Variants in FGF13 observed in about 807,000 individuals in gnomAD.
FGF13 encodes fibroblast growth factor 13, also known as fibroblast growth factor homologous factor 2.
FGF13 carries 2 observed loss-of-function variants against 19.5 expected under a neutral mutation model. The observed-to-expected ratio is 0.10, with a 90% CI of 0.04 to 0.32. The LOEUF (loss-of-function observed/expected upper bound fraction) is 0.32, where lower values mean the gene tolerates loss of function less well. FGF13 is among the 10% of genes least tolerant of loss of function. The pLI is 1.00. For synonymous variants in FGF13, 72 were observed against 76.9 expected (o/e 0.94, Z 0.33); for missense variants, 113 against 192.7 (o/e 0.59, Z 2.45).
At chrX:138,849,988 C>T (rs1243595136) in intron 3 of FGF13, among the ~76,000 whole-genome samples, 1 of 111,001 alleles carries the variant, frequency 9.0e-6, no homozygotes, top group Non-Finnish European at 1.9e-5. Flanking sequence ...AATGTCTGCT[C>T]CAAGTATTAA....
At chrX:138,860,614 A>C (rs182745023) in intron 2 of FGF13, among the ~76,000 whole-genome samples, 6 of 112,104 alleles carry the variant, frequency 5.4e-5, no homozygotes, top group Non-Finnish European at 7.5e-5. Flanking sequence ...TGCCCTACCC[A>C]AAAATAGATT....
At chrX:138,866,416 T>A (rs2091323378) in intron 1 of FGF13, among the ~76,000 whole-genome samples, 1 of 112,712 alleles carries the variant, frequency 8.9e-6, no homozygotes, top group African/African-American at 3.2e-5. Flanking sequence ...ACTAGGACTT[T>A]AAAGTGCCAG....
At chrX:138,927,216 T>A (rs186803330) in intron 1 of FGF13, among the ~76,000 whole-genome samples, 2 of 111,848 alleles carry the variant, frequency 1.8e-5, no homozygotes, top group East Asian at 5.7e-4. Context: ...AAAGAATGAA[T>A]AAATGAATGT....
intron 3 of FGF13, among the ~76,000 whole-genome samples, chrX:138,844,864 T>A (rs2091171421): frequency 9.0e-6 from 1 of 111,486 alleles, no homozygotes; most frequent in Admixed American, 9.6e-5. Context: ...TCCTGAGCAA[T>A]TGAAATGCAA....
At chrX:138,998,895 C>A (rs2092058146) in intron 1 of FGF13, among the ~76,000 whole-genome samples, 1 of 112,026 alleles carries the variant, frequency 8.9e-6, no homozygotes, top group Non-Finnish European at 1.9e-5. Context: ...CTTCTCAGCA[C>A]CACATTGCAC....
In FGF13 at chrX:139,040,676, T is replaced by C. The variant is rs1358049476; in HGVS notation, c.-113+162740A>G. On this transcript the variant is annotated intron_variant, in intron 1 of 2. Coordinates refer to the FGF13 transcript ENST00000421460. ...CAAAGACCTAGATGCAGAAATACCA[T>C]TTGACACAGTAATCCTATTACTAGG... Among the ~76,000 whole-genome samples the C allele has an allele frequency of 2.7e-5, 3 of 111,182 alleles. No individual in the cohort carries two copies. In the East Asian group the frequency reaches 8.5e-4, roughly 32 times the overall value.
intron 1 of FGF13, among the ~76,000 whole-genome samples, chrX:138,938,585 G>A (rs984392400): frequency 2.7e-5 from 3 of 111,234 alleles, no homozygotes; most frequent in Non-Finnish European, 5.7e-5. Flanking sequence ...AACTGCTTAT[G>A]CTACCCTCTG....
chrX:139,061,441 A>T (rs899482675), intron 1 of FGF13, among the ~76,000 whole-genome samples: 4 of 110,799 alleles, frequency 3.6e-5, no homozygotes, highest in Non-Finnish European at 7.6e-5. Flanking sequence ...ATGCTGTTAT[A>T]AAGCGAGGTC....
At chrX:138,737,099 T>C (rs945091746) in intron 1 of FGF13, among the ~76,000 whole-genome samples, 18 of 111,652 alleles carry the variant, frequency 1.6e-4, no homozygotes, top group African/African-American at 5.2e-4. Context: ...ACAGCTGCTG[T>C]CTATTCTTTA....
chrX:138,905,941 GT>G (rs1375894627), intron 1 of FGF13, among the ~76,000 whole-genome samples: 2 of 111,631 alleles, frequency 1.8e-5, no homozygotes, highest in Non-Finnish European at 3.8e-5. Flanking sequence ...TGCTCTTCTG[GT>G]TGGAGTTTAT....
chrX:139,148,804 G>T (rs958473827), intron 1 of FGF13, among the ~76,000 whole-genome samples: 3 of 110,924 alleles, frequency 2.7e-5, no homozygotes, highest in Admixed American at 9.6e-5. Flanking sequence ...CAGTTTTGCT[G>T]TAAGTGCATA....
intron 1 of FGF13, among the ~76,000 whole-genome samples, chrX:139,122,494 A>G (rs907928836): frequency 9.0e-6 from 1 of 111,550 alleles, no homozygotes; most frequent in Non-Finnish European, 1.9e-5. Context: ...CAAATCCAAT[A>G]GGCAATTCTC....
At chrX:138,682,174 T>G (rs756893020) in intron 3 of FGF13, among the ~76,000 whole-genome samples, 75 of 112,416 alleles carry the variant, frequency 6.7e-4, no homozygotes, top group Non-Finnish European at 1.1e-3. Flanking sequence ...CTATATTTGG[T>G]ATCAGGAGTG....
chrX:138,807,100 G>C (rs1284111503), intron 3 of FGF13: 1 of 110,923 alleles, frequency 9.0e-6, no homozygotes, highest in Non-Finnish European at 1.9e-5. Context: ...ACCAGACCTT[G>C]AACCAGACCC....
At chrX:138,711,842 C>T (rs897764670), upstream of FGF13, among the ~76,000 whole-genome samples, 6 of 104,478 alleles carry the variant, frequency 5.7e-5, no homozygotes, top group Admixed American at 2.0e-4. Context: ...CCCGGCCGCC[C>T]GTTCCGGCTA....
At chrX:138,844,689 C>A in intron 3 of FGF13, among the ~76,000 whole-genome samples, 1 of 111,491 alleles carries the variant, frequency 9.0e-6, no homozygotes, top group Admixed American at 9.5e-5. Flanking sequence ...GGTTTTCCTT[C>A]TTTTTCTTCT....
chrX:139,131,402 TGTG>T (rs2083760675), intron 1 of FGF13, among the ~76,000 whole-genome samples: 1 of 108,650 alleles, frequency 9.2e-6, no homozygotes, highest in Non-Finnish European at 1.9e-5. Flanking sequence ...TGTGTGTGTG[TGTG>T]TGTGTGTGTG....
chrX:138,735,739 T>C (rs779636084), intron 1 of FGF13, among the ~76,000 whole-genome samples: 3 of 112,366 alleles, frequency 2.7e-5, no homozygotes, highest in Non-Finnish European at 5.6e-5. Flanking sequence ...CATTAAAGCA[T>C]ACATAAGCTT....
chrX:138,702,263 G>A (rs1352122076), intron 3 of FGF13, among the ~76,000 whole-genome samples: 3 of 111,592 alleles, frequency 2.7e-5, no homozygotes, highest in Non-Finnish European at 5.6e-5. Flanking sequence ...TCTGAAACTA[G>A]ATCTGCCAAT....
Sources: allele counts gnomAD v4.1 joint callset (sites outside exome capture counted in the v4.1 genomes callset), GRCh38; gene constraint gnomAD v4.1.1; transcripts MANE v1.5; gene names NCBI Gene and HGNC (gene_info 2026-07-23, HGNC 2026-07-21).